Variants in HMBOX1 observed in about 807,000 individuals in gnomAD.
HMBOX1 encodes the protein homeobox-containing protein 1.
A neutral mutation model predicts 54.5 loss-of-function variants in HMBOX1; 14 were observed. That is an observed-to-expected ratio of 0.26 (90% CI 0.17 to 0.40). The LOEUF (loss-of-function observed/expected upper bound fraction) is 0.40. HMBOX1 is among the 10% of genes least tolerant of loss of function. HMBOX1 has a pLI of 1.00. For missense variants in HMBOX1, 332 were observed against 514.4 expected (o/e 0.65, Z 3.43); for synonymous variants, 160 against 181.0 (o/e 0.88, Z 0.93).
intron 1 of HMBOX1, among the ~76,000 whole-genome samples, chr8:28,935,264 G>A (rs533007420): frequency 1.1e-4 from 16 of 152,222 alleles, no homozygotes; most frequent in Admixed American, 2.0e-4. Context: ...AACTTGATAA[G>A]CTTAGTCTGT....
At chr8:28,994,951 G>T (rs1414731780) in intron 4 of HMBOX1, among the ~76,000 whole-genome samples, 1 of 152,120 alleles carries the variant, frequency 6.6e-6, no homozygotes, top group East Asian at 1.9e-4. Context: ...AGAAGATTGA[G>T]GGATACTACT....
At chr8:28,933,141 A>G (rs1006155568) in intron 1 of HMBOX1, among the ~76,000 whole-genome samples, 1 of 152,176 alleles carries the variant, frequency 6.6e-6, no homozygotes, top group Admixed American at 6.5e-5. Flanking sequence ...TAATCTATGT[A>G]AATAATCTAT....
chr8:28,916,660 C>T (rs971993003), intron 1 of HMBOX1, among the ~76,000 whole-genome samples: 3 of 152,078 alleles, frequency 2.0e-5, no homozygotes, highest in Non-Finnish European at 4.4e-5. Flanking sequence ...TTATTCTATT[C>T]TATTGATCTA....
chr8:29,018,681 C>T, intron 5 of HMBOX1, 79 bp from the exon 6 acceptor site: 1 of 1,398,836 alleles, frequency 7.1e-7, no homozygotes, highest in African/African-American at 1.4e-5. Context: ...CCATACTTCC[C>T]TAGTCCCATA....
chr8:28,999,921 G>A (rs927704534), intron 4 of HMBOX1, among the ~76,000 whole-genome samples: 2 of 152,036 alleles, frequency 1.3e-5, no homozygotes, highest in African/African-American at 2.4e-5. Flanking sequence ...CTTCTACTGT[G>A]TATGAGCCAT....
intron 1 of HMBOX1, among the ~76,000 whole-genome samples, chr8:28,959,049 T>C (rs1230769871): frequency 6.6e-6 from 1 of 152,196 alleles, no homozygotes; most frequent in Non-Finnish European, 1.5e-5. Context: ...TCAGACTCTG[T>C]GTATACTATG....
rs1563495644 is a variant in HMBOX1 at position 28,970,980 on chromosome 8, TGACACACACACACACACACACACACACA to T, written c.500+462_500+489del. Among the ~76,000 whole-genome samples the T allele has an allele frequency of 1.1e-5, 1 of 92,384 alleles. No individual in the cohort carries two copies. The highest frequency in any genetic ancestry group is 2.1e-5 in the Non-Finnish European group (1 of 47,578). 60.6% of individuals were successfully genotyped at this position (92,384 alleles called of 152,430 possible). ...TATAGGTTCTAATTTTAGCAATAGA[TGACACACACACACACACACACACACACA>T]CACACACACACACACACACACATTG... On this transcript the variant is annotated intron_variant, in intron 3 of 9. Transcript: ENST00000287701. The surrounding 1 kb of genome is among the most constrained non-coding windows in gnomAD (Gnocchi z 4.3).
At chr8:28,997,214 G>A (rs982535220) in intron 4 of HMBOX1, among the ~76,000 whole-genome samples, 6 of 152,024 alleles carry the variant, frequency 3.9e-5, no homozygotes, top group South Asian at 2.1e-4. Context: ...GTCTTTCCCC[G>A]TTACGTATGA....
intron 6 of HMBOX1, among the ~76,000 whole-genome samples, chr8:29,033,307 C>G (rs1803305725): frequency 6.6e-6 from 1 of 152,172 alleles, no homozygotes; most frequent in South Asian, 2.1e-4. Context: ...CTTTTATACT[C>G]CTTATGGAAT....
intron 4 of HMBOX1, among the ~76,000 whole-genome samples, chr8:28,985,301 C>G (rs970487684): frequency 1.3e-5 from 2 of 152,228 alleles, no homozygotes; most frequent in East Asian, 1.9e-4. Context: ...GCAGGGGGAA[C>G]GGGTCTCTCT....
At chr8:28,953,372 A>G (rs561213486) in intron 1 of HMBOX1, among the ~76,000 whole-genome samples, 1 of 152,122 alleles carries the variant, frequency 6.6e-6, no homozygotes, top group Admixed American at 6.6e-5. Context: ...GCATGAGTGC[A>G]ACACCTTCTG....
intron 6 of HMBOX1, among the ~76,000 whole-genome samples, chr8:29,041,986 C>CA (rs1804893973): frequency 6.6e-6 from 1 of 152,066 alleles, no homozygotes; most frequent in Non-Finnish European, 1.5e-5. Context: ...GTGCACTGGC[C>CA]AAAGAGCTAT....
chr8:28,943,818 G>A (rs1345871771), intron 1 of HMBOX1, among the ~76,000 whole-genome samples: 2 of 152,336 alleles, frequency 1.3e-5, no homozygotes. Context: ...TGCATGTCCT[G>A]TATCAAGGGA....
intron 6 of HMBOX1, among the ~76,000 whole-genome samples, chr8:29,023,711 T>A: frequency 6.6e-6 from 1 of 152,162 alleles, no homozygotes; most frequent in East Asian, 1.9e-4. Flanking sequence ...CCAATTTTAG[T>A]AACCATAAGA....
chr8:29,049,518 G>A, intron 9 of HMBOX1: 1 of 1,397,594 alleles, frequency 7.2e-7, no homozygotes, highest in Non-Finnish European at 9.4e-7. Flanking sequence ...TGGCCCCACT[G>A]CAGTGGGAAC....
intron 5 of HMBOX1, chr8:29,009,614 G>C: frequency 8.5e-7 from 1 of 1,180,536 alleles, no homozygotes. Context: ...CATATCCAGT[G>C]ATCTCTGCTA....
intron 1 of HMBOX1, among the ~76,000 whole-genome samples, chr8:28,935,730 A>G (rs1003711226): frequency 3.3e-5 from 5 of 152,184 alleles, no homozygotes; most frequent in Non-Finnish European, 7.4e-5. Flanking sequence ...ATGGAAGAGT[A>G]GTAAGGTTGC....
At chr8:28,943,365 C>A (rs928542916) in intron 1 of HMBOX1, among the ~76,000 whole-genome samples, 3 of 152,202 alleles carry the variant, frequency 2.0e-5, no homozygotes, top group African/African-American at 7.2e-5. Context: ...CATGACAAGG[C>A]AAAGGGATTT....
At chr8:28,906,019 G>A (rs1185825609) in intron 1 of HMBOX1, among the ~76,000 whole-genome samples, 2 of 152,030 alleles carry the variant, frequency 1.3e-5, no homozygotes, top group Non-Finnish European at 2.9e-5. Context: ...CTGACTCATT[G>A]CCTAATAAAA....
Sources: gnomAD v4.1 joint callset for allele counts (sites outside exome capture counted in the v4.1 genomes callset) on GRCh38, gnomAD v4.1.1 for gene constraint, Gnocchi (gnomAD v3.1) non-coding constraint, MANE v1.5 for transcripts, NCBI Gene and HGNC (gene_info 2026-07-23, HGNC 2026-07-21) for gene names.